The following STKLD1 variants were observed in gnomAD, a reference collection of about 807,000 sequenced individuals.
STKLD1 encodes the protein serine/threonine kinase-like domain-containing protein STKLD1.
A neutral mutation model predicts 80.4 loss-of-function variants in STKLD1; 79 were observed. The ratio of observed to expected loss-of-function variants is 0.98; its 90% CI spans 0.82 to 1.19. The LOEUF (loss-of-function observed/expected upper bound fraction) is 1.19. STKLD1 is among the 50% of genes most tolerant of loss of function. The pLI, the probability that STKLD1 is intolerant of heterozygous loss-of-function variation, is 0.00. For synonymous variants in STKLD1, 393 were observed against 357.6 expected (o/e 1.10, Z -1.12); for missense variants, 841 against 856.0 (o/e 0.98, Z 0.22).
Position 133,389,737 on chromosome 9 carries a change from C to G in STKLD1, c.467+141C>G, listed in dbSNP as rs1237961214. On this transcript the variant is annotated intron_variant, in intron 6 of 17. Transcript: ENST00000371957. This position sits in a 1 kb window ranked among gnomAD's most constrained non-coding sequence, Gnocchi z 6.4. The stretch of plus-strand genomic sequence containing the variant: ...CAGTGCAGCCAGGATAGGATGGGAC[C>G]TTACAGAGCTCCTCCCGGGCTTGAA... 6 of 1,373,556 alleles carry G rather than the reference C, an allele frequency of 4.4e-6. No homozygotes were observed. The East Asian group carries it at 1.5e-4, about 35-fold the overall frequency. The allele number at this position is 1,373,556 out of a possible 1,614,324, so 85.1% of individuals were successfully genotyped here.
At chr9:133,391,565 C>T (rs2119222366) in intron 7 of STKLD1, among the ~76,000 whole-genome samples, 1 of 151,810 alleles carries the variant, frequency 6.6e-6, no homozygotes, top group Admixed American at 6.5e-5. Context: ...ATGACCTTAC[C>T]CCCAACCCTG....
chr9:133,399,328 C>G (rs587698419), intron 11 of STKLD1, among the ~76,000 whole-genome samples: 1 of 152,216 alleles, frequency 6.6e-6, no homozygotes, highest in Admixed American at 6.5e-5. Context: ...TGCAGTGGCT[C>G]GGGCCTCAGA....
chr9:133,390,583 C>T lies in STKLD1; in HGVS notation c.468-98C>T, dbSNP rs1838366963. On this transcript the variant is annotated intron_variant, in intron 6 of 17. Coordinates refer to ENST00000371957, the MANE Select transcript of STKLD1 (RefSeq NM_153710.5). The surrounding 1 kb of genome is among the most constrained non-coding windows in gnomAD (Gnocchi z 5.1). The stretch of plus-strand genomic sequence containing the variant: ...CCAGGTGGGGCAGGGAGCAGAGAGT[C>T]AGGCTCAGCACACACACTGGTCCCA... 7.2e-6 allele frequency: 6 copies of T among 827,890 alleles called. No homozygotes were observed. The Admixed American group carries it at 7.7e-5, about 11-fold the overall frequency. The allele number at this position is 827,890 out of a possible 1,614,324, so 51.3% of individuals were successfully genotyped here.
At position 133,383,939 on chromosome 9, in the gene STKLD1, T is replaced by C. The variant is rs2119213032; in HGVS notation, c.219+39T>C. The C allele has an allele frequency of 2.5e-6, 4 of 1,584,634 alleles. No homozygotes were observed. The East Asian group carries it at 8.9e-5, about 35-fold the overall frequency. On this transcript the variant is annotated intron_variant, in intron 3 of 17. Transcript: ENST00000371957. ...TAGTTTTCCCTCTGGAAGAGCTCAATGGAGCATACACAGACTGTGTTCTGT... is the reference window on the plus strand; with the variant it reads ...TAGTTTTCCCTCTGGAAGAGCTCAACGGAGCATACACAGACTGTGTTCTGT...
chr9:133,399,276 G>A (rs1838636332), intron 11 of STKLD1, among the ~76,000 whole-genome samples: 1 of 151,850 alleles, frequency 6.6e-6, no homozygotes, highest in South Asian at 2.1e-4. Flanking sequence ...CCATCCGTCT[G>A]TCTATCCATC....
intron 8 of STKLD1, 54 bp from the exon 9 acceptor site, chr9:133,395,546 A>G: frequency 1.3e-6 from 2 of 1,571,898 alleles, no homozygotes; most frequent in South Asian, 1.1e-5. Flanking sequence ...CCATGCTGGG[A>G]CCTAGTTTTC....
In STKLD1 at chr9:133,394,482, C is replaced by T; in HGVS notation, c.702+73C>T. 1 of 1,053,748 alleles carries T rather than the reference C, an allele frequency of 9.5e-7. No homozygotes were observed. Among genetic ancestry groups the T allele is most frequent in the Non-Finnish European group, 1.5e-6 (1 of 675,494 alleles). 65.3% of individuals were successfully genotyped at this position (1,053,748 alleles called of 1,614,324 possible). On this transcript the variant is annotated intron_variant, in intron 8 of 17. Transcript: ENST00000371957. This position sits in a 1 kb window ranked among gnomAD's most constrained non-coding sequence, Gnocchi z 4.9. The stretch of plus-strand genomic sequence containing the variant: ...CCCAGGCCTGGGGAAAAGGCTTGGC[C>T]TCACCCTGCCTCCCCTCTGCATCCC...
chr9:133,393,334 AGGTGGGTG>A (rs1230199030), intron 7 of STKLD1, among the ~76,000 whole-genome samples: 1 of 8,286 alleles, frequency 1.2e-4, no homozygotes, highest in African/African-American at 4.7e-4. Flanking sequence ...GTGGATGGAT[AGGTGGGTG>A]GGTGGGTGGG....
intron 15 of STKLD1, 41 bp downstream of exon 15, chr9:133,403,869 G>A: frequency 6.2e-7 from 1 of 1,611,560 alleles, no homozygotes; most frequent in Non-Finnish European, 8.5e-7. Context: ...GGCTGGGAGG[G>A]GTGGGCCTCA....
chr9:133,387,780 C>T, intron 5 of STKLD1: 3 of 644,422 alleles, frequency 4.7e-6, no homozygotes, highest in Non-Finnish European at 8.6e-6. Context: ...GCGTTCCTAA[C>T]ACTAGAAGGT....
rs1191230366 is a variant in STKLD1 at position 133,376,374 on chromosome 9, C to T, written c.-100C>T. 7.1e-7 allele frequency: 1 copy of T among 1,411,416 alleles called. No homozygotes were observed. Among genetic ancestry groups the T allele is most frequent in the Non-Finnish European group, 9.3e-7 (1 of 1,074,312 alleles). The allele number at this position is 1,411,416 out of a possible 1,614,324, so 87.4% of individuals were successfully genotyped here. ...GCGCGGGAGGGACGCCTGAGTGCCT[C>T]GAGGGCGCCGTTCGGGCGGGGAGGA... On this transcript the variant is annotated 5_prime_UTR_variant, in exon 1 of 18. Transcript: ENST00000371957.
chr9:133,379,842 C>G (rs2130261884), intron 2 of STKLD1, among the ~76,000 whole-genome samples: 2 of 152,350 alleles, frequency 1.3e-5, no homozygotes, highest in East Asian at 1.9e-4. Flanking sequence ...GCTGGCCATA[C>G]AGCGGGAGGA....
Position 133,402,754 on chromosome 9 carries a change from A to G in STKLD1, c.1340-124A>G, listed in dbSNP as rs1056976212. ...TTCAGGGCTCCATTGAGTGCACACG[A>G]CTTGGCCCAGAGCAGGCACCTAGGA... On this transcript the variant is annotated intron_variant, in intron 13 of 17. Coordinates refer to ENST00000371957, the MANE Select transcript of STKLD1 (RefSeq NM_153710.5). The G allele has an allele frequency of 3.3e-5, 36 of 1,102,148 alleles. 2 individuals carry two copies. The Admixed American group carries it at 9.1e-4, about 28-fold the overall frequency. 68.3% of individuals were successfully genotyped at this position (1,102,148 alleles called of 1,614,324 possible).
At chr9:133,405,159 A>C in intron 17 of STKLD1, 93 bp from the exon 18 acceptor site, 1 of 1,468,126 alleles carries the variant, frequency 6.8e-7, no homozygotes, top group Non-Finnish European at 9.1e-7. Flanking sequence ...GCCAAGCCCA[A>C]GGGGGAATGT....
At chr9:133,382,985 T>C (rs1332210618) in intron 2 of STKLD1, among the ~76,000 whole-genome samples, 1 of 147,622 alleles carries the variant, frequency 6.8e-6, no homozygotes, top group Non-Finnish European at 1.5e-5. Context: ...GTGATGATGA[T>C]GGTGGTCGTG....
chr9:133,391,385 C>T lies in STKLD1; in HGVS notation c.583+589C>T, dbSNP rs2130289403. ...GGTGTGCCCAGCAGCTCATTGAGAACGGGCCATGATGGCAATGGCGGTTTT... is the reference window on the plus strand; with the variant it reads ...GGTGTGCCCAGCAGCTCATTGAGAATGGGCCATGATGGCAATGGCGGTTTT... On this transcript the variant is annotated intron_variant, in intron 7 of 17. Coordinates refer to ENST00000371957, the MANE Select transcript of STKLD1 (RefSeq NM_153710.5). Among the ~76,000 whole-genome samples the T allele has an allele frequency of 3.0e-4, 45 of 151,216 alleles. 1 individual carries two copies. The South Asian group carries it at 8.1e-3, about 27-fold the overall frequency.
At chr9:133,391,130 G>C (rs1838380954) in intron 7 of STKLD1, among the ~76,000 whole-genome samples, 2 of 151,734 alleles carry the variant, frequency 1.3e-5, no homozygotes, top group South Asian at 4.1e-4. Flanking sequence ...CCAGGACGGA[G>C]GGAGGTGGGG....
Position 133,401,781 on chromosome 9 carries a change from CA to C in STKLD1, c.1243del (p.Ile415SerfsTer6), listed in dbSNP as rs782561000. The C allele has an allele frequency of 6.2e-7, 1 of 1,613,620 alleles. No homozygotes were observed. The highest frequency in any genetic ancestry group is 8.5e-7 in the Non-Finnish European group (1 of 1,179,988). On this transcript the variant is annotated frameshift_variant, in exon 13 of 18. Transcript: ENST00000371957. LOFTEE classifies it high-confidence loss of function. The part of the protein sequence containing the change: ...PEAKAPCNQA[I>X]TSTLLSALQS... The stretch of plus-strand genomic sequence containing the variant: ...AAGCCAAGGCTCCCTGCAACCAAGC[CA>C]TCACCTCCACCCTGCTGAGTGCTCT...
In STKLD1 at chr9:133,389,217, G is replaced by GCTCTTTCTCTCATCCC; in HGVS notation, c.397-309_397-308insCTCTTTCTCTCATCCC. ...CCGATCTGCCTTCAGCTCCCAGCAAGTGTGGGGCAGCGCGGGCCACAGAGT... is the reference window on the plus strand; with the variant it reads ...CCGATCTGCCTTCAGCTCCCAGCAAGCTCTTTCTCTCATCCCTGTGGGGCAGCGCGGGCCACAGAGT... On this transcript the variant is annotated intron_variant, in intron 5 of 17. Coordinates refer to ENST00000371957, the MANE Select transcript of STKLD1 (RefSeq NM_153710.5). The surrounding 1 kb of genome is among the most constrained non-coding windows in gnomAD (Gnocchi z 6.4). 1.0e-6 allele frequency: 1 copy of GCTCTTTCTCTCATCCC among 985,400 alleles called. No homozygotes were observed. The highest frequency in any genetic ancestry group is 4.7e-5 in the South Asian group (1 of 21,294). The allele number at this position is 985,400 out of a possible 1,614,324, so 61.0% of individuals were successfully genotyped here.
Sources: gnomAD v4.1 joint callset for allele counts (sites outside exome capture counted in the v4.1 genomes callset) on GRCh38, gnomAD v4.1.1 for gene constraint, Gnocchi (gnomAD v3.1) non-coding constraint, MANE v1.5 for transcripts, NCBI Gene and HGNC (gene_info 2026-07-23, HGNC 2026-07-21) for gene names.